Variants in KIAA0586 observed in about 807,000 individuals in gnomAD.
KIAA0586 encodes the protein KIAA0586.
Under a neutral mutation model 169.8 loss-of-function variants are expected in KIAA0586, and 144 were observed. That is an observed-to-expected ratio of 0.85 (90% CI 0.74 to 0.97). KIAA0586 has a LOEUF of 0.97. Ranked by LOEUF, KIAA0586 falls within the 50% of genes least tolerant of loss-of-function variation. The probability of loss-of-function intolerance (pLI) is 0.00; values close to 1 mark genes in which losing one functional copy is unlikely to be tolerated. For synonymous variants in KIAA0586, 625 were observed against 612.4 expected, an observed-to-expected ratio of 1.02 and a Z score of -0.30; for missense variants, 1,854 against 1,823.0, an observed-to-expected ratio of 1.02 and a Z score of -0.31.
intron 10 of KIAA0586, 142 bp from the exon 11 acceptor site, chr14:58,457,617 C>T (rs2039979135): frequency 5.1e-6 from 3 of 589,744 alleles, no homozygotes; most frequent in Non-Finnish European, 3.0e-6. Flanking sequence ...GCCAAGTATT[C>T]TTTTGTAAGT....
intron 30 of KIAA0586, among the ~76,000 whole-genome samples, chr14:58,543,704 T>G (rs2046807035): frequency 6.6e-6 from 1 of 152,210 alleles, no homozygotes; most frequent in South Asian, 2.1e-4. Context: ...CATTTCAGAG[T>G]GAAACTTGGT....
intron 29 of KIAA0586, among the ~76,000 whole-genome samples, chr14:58,513,621 A>G (rs942325190): frequency 1.3e-5 from 2 of 151,624 alleles, no homozygotes; most frequent in East Asian, 1.9e-4. Context: ...ATATTAATGT[A>G]CTATGGAAAA....
At chr14:58,555,183 C>T (rs549318369), downstream of KIAA0586, among the ~76,000 whole-genome samples, 10 of 149,906 alleles carry the variant, frequency 6.7e-5, no homozygotes, top group South Asian at 2.1e-3. Context: ...TCACTTCAAC[C>T]TCCGCCTCCC....
chr14:58,516,432 C>T (rs574090291), intron 29 of KIAA0586, among the ~76,000 whole-genome samples: 5 of 152,266 alleles, frequency 3.3e-5, no homozygotes, highest in Admixed American at 6.5e-5. Context: ...CCACTCCTGG[C>T]GGAGAAGAAG....
At chr14:58,507,227 TCTATATGTATGATTTATATATAAATC>T (rs886531514) in intron 27 of KIAA0586, among the ~76,000 whole-genome samples, 23 of 102,432 alleles carry the variant, frequency 2.2e-4, no homozygotes, top group Admixed American at 1.7e-3. Flanking sequence ...ATATAAATCA[TCTATATGTATGATTTATATATAAATC>T]ATGTATGATT....
chr14:58,541,289 T>C (rs1010414105), intron 30 of KIAA0586, among the ~76,000 whole-genome samples: 2 of 152,370 alleles, frequency 1.3e-5, no homozygotes, highest in East Asian at 3.9e-4. Flanking sequence ...ACACAGTCAC[T>C]GTCCTAGTGG....
chr14:58,456,904 T>A, intron 10 of KIAA0586, 94 bp downstream of exon 10: 2 of 717,336 alleles, frequency 2.8e-6, no homozygotes, highest in Non-Finnish European at 4.7e-6. Context: ...GGAGGAAGGA[T>A]GAAGAAAAAG....
In KIAA0586 at chr14:58,548,196, C is replaced by T. The variant is rs2047099771; in HGVS notation, c.*264C>T. 1 of 345,070 alleles carries T rather than the reference C, an allele frequency of 2.9e-6. No individual in the cohort carries two copies. 21.4% of individuals were successfully genotyped at this position (345,070 alleles called of 1,614,324 possible). On this transcript the variant is annotated 3_prime_UTR_variant, in exon 31 of 31. Transcript: ENST00000652326. ...AGTGAAAGGGCATGGCTTTTGACAT[C>T]TAGGCATTTAATCTATAGGTGTAAT... is the stretch of plus-strand genomic sequence containing the variant.
At chr14:58,542,204 C>T (rs531793921) in intron 30 of KIAA0586, among the ~76,000 whole-genome samples, 19 of 152,210 alleles carry the variant, frequency 1.2e-4, no homozygotes, top group African/African-American at 3.9e-4. Context: ...TTCAGCCGGG[C>T]GCAGTGGCTC....
downstream of KIAA0586, among the ~76,000 whole-genome samples, chr14:58,551,655 G>C (rs1327093005): frequency 6.6e-6 from 1 of 152,088 alleles, no homozygotes; most frequent in Non-Finnish European, 1.5e-5. Context: ...CCAGCTACTT[G>C]GGAGGCTGAC....
Position 58,548,801 on chromosome 14 carries a change from A to G in KIAA0586, c.*869A>G, listed in dbSNP as rs1049173548. ...CAACATAAATACATAAAATTAAAGG[A>G]AAATAAAAAGCATTGCTTCGTAATC... is the stretch of plus-strand genomic sequence containing the variant. On this transcript the variant is annotated 3_prime_UTR_variant, in exon 31 of 31. Transcript: ENST00000652326. 4 of 152,226 alleles carry G rather than the reference A, an allele frequency of 2.6e-5. No individual in the cohort carries two copies. The highest frequency in any genetic ancestry group is 1.3e-4 in the Admixed American group (2 of 15,284). The allele number at this position is 152,226 out of a possible 1,614,324, so 9.4% of individuals were successfully genotyped here. A position where few individuals can be genotyped will look rare whatever the true frequency, so the allele number is the denominator to read the frequency against.
intron 29 of KIAA0586, among the ~76,000 whole-genome samples, chr14:58,514,357 A>T (rs1029950613): frequency 1.3e-5 from 2 of 152,088 alleles, no homozygotes; most frequent in Admixed American, 6.6e-5. Flanking sequence ...AACCTTGAAG[A>T]TAATGAAGGA....
intron 19 of KIAA0586, among the ~76,000 whole-genome samples, chr14:58,476,096 T>TCAAAA (rs1287724915): frequency 6.6e-6 from 1 of 152,140 alleles, no homozygotes; most frequent in Admixed American, 6.5e-5. Context: ...AGATTCTGTC[T>TCAAAA]CAAAACAAAA....
intron 29 of KIAA0586, among the ~76,000 whole-genome samples, chr14:58,530,432 C>G (rs2045885063): frequency 6.6e-6 from 1 of 152,202 alleles, no homozygotes; most frequent in Non-Finnish European, 1.5e-5. Flanking sequence ...CGCTACCTGA[C>G]TTCAAACTAT....
chr14:58,456,130 C>G (rs1377229191), intron 9 of KIAA0586, among the ~76,000 whole-genome samples: 3 of 152,046 alleles, frequency 2.0e-5, no homozygotes, highest in South Asian at 2.1e-4. Flanking sequence ...TTTAGGAGAG[C>G]TTGAAACCAT....
chr14:58,544,083 T>G (rs1032703256), intron 30 of KIAA0586: 1 of 303,250 alleles, frequency 3.3e-6, no homozygotes, highest in African/African-American at 2.3e-5. Context: ...TGAGTTATCA[T>G]CATTTAGTTC....
chr14:58,517,383 C>T (rs2044841443), intron 29 of KIAA0586, among the ~76,000 whole-genome samples: 1 of 152,124 alleles, frequency 6.6e-6, no homozygotes, highest in South Asian at 2.1e-4. Context: ...AATTGTTCAA[C>T]ATCATTAGTA....
intron 26 of KIAA0586, among the ~76,000 whole-genome samples, 183 bp from the exon 27 acceptor site, chr14:58,498,600 A>G (rs534648799): frequency 2.6e-5 from 4 of 152,226 alleles, no homozygotes; most frequent in Non-Finnish European, 5.9e-5. Context: ...AAAGCCTATC[A>G]CGAGGCTTAT....
chr14:58,542,050 A>T (rs1471552778), intron 30 of KIAA0586, among the ~76,000 whole-genome samples: 2 of 152,052 alleles, frequency 1.3e-5, no homozygotes, highest in Non-Finnish European at 2.9e-5. Flanking sequence ...AAAAAAATTA[A>T]TTTTTTTATG....
Sources: allele counts gnomAD v4.1 joint callset (sites outside exome capture counted in the v4.1 genomes callset), GRCh38; gene constraint gnomAD v4.1.1; transcripts MANE v1.5; gene names NCBI Gene and HGNC (gene_info 2026-07-23, HGNC 2026-07-21).